The following PCDHA11 variants were observed in gnomAD, a reference collection of about 807,000 sequenced individuals.
PCDHA11 encodes protocadherin alpha-11.
In PCDHA11, 61 loss-of-function variants were observed where a neutral mutation model predicts 70.3. That is an observed-to-expected ratio of 0.87 (90% CI 0.71 to 1.07). The LOEUF (loss-of-function observed/expected upper bound fraction) is 1.07. Among genes scored for constraint, PCDHA11 ranks in the 50% least tolerant of loss-of-function variants. PCDHA11 has a pLI of 0.00. For missense variants in PCDHA11, 1,324 were observed against 1,237.5 expected, an observed-to-expected ratio of 1.07 and a Z score of -1.05; for synonymous variants, 633 against 555.1, an observed-to-expected ratio of 1.14 and a Z score of -1.97.
At chr5:140,876,169 C>G in intron 1 of PCDHA11, 1 of 1,613,916 alleles carries the variant, frequency 6.2e-7, no homozygotes, top group African/African-American at 1.3e-5. Context: ...AATAACCGTC[C>G]TGGATGTGAA....
intron 1 of PCDHA11, among the ~76,000 whole-genome samples, chr5:140,945,853 A>G (rs782332952): frequency 6.6e-6 from 1 of 152,190 alleles, no homozygotes; most frequent in Non-Finnish European, 1.5e-5. Flanking sequence ...AAAGACTTAA[A>G]CATAGACCTG....
chr5:140,869,867 C>T lies in PCDHA11; in HGVS notation c.764C>T (p.Ala255Val), dbSNP rs1554163562. The change falls in exon 1 of 4, where the codon GCT becomes GTT. Residue 255 changes from alanine (A) to valine (V), a missense_variant. Physicochemically the swap from Ala to Val is moderately conservative, Grantham distance 64 (BLOSUM62 0). Transcript: ENST00000398640. ...TATAAGGTGAGCCTTATGGAAAATG[C>T]TGCTAAAGAAACTCTTGTGCTCAAA... ...SEYKVSLMEN[A>V]AKETLVLKLN... 6.2e-7 allele frequency: 1 copy of T among 1,609,988 alleles called. No homozygotes were observed. Among genetic ancestry groups the T allele is most frequent in the East Asian group, 2.2e-5 (1 of 44,802 alleles).
chr5:140,893,636 G>A (rs2064097174), intron 1 of PCDHA11, among the ~76,000 whole-genome samples: 1 of 152,170 alleles, frequency 6.6e-6, no homozygotes, highest in Non-Finnish European at 1.5e-5. Flanking sequence ...GCTTGGTATA[G>A]TATTTTTGGC....
At chr5:140,938,878 C>T (rs1324581693) in intron 1 of PCDHA11, among the ~76,000 whole-genome samples, 3 of 151,098 alleles carry the variant, frequency 2.0e-5, no homozygotes, top group Admixed American at 1.3e-4. Context: ...TAAGAAGCAA[C>T]ACACACACAC....
chr5:140,968,272 A>G (rs369285531), intron 1 of PCDHA11: 1 of 1,613,936 alleles, frequency 6.2e-7, no homozygotes, highest in African/African-American at 1.3e-5. Context: ...AGGAGAATGC[A>G]GAGGTGACCT....
chr5:140,925,917 A>T (rs1480980894), intron 1 of PCDHA11, among the ~76,000 whole-genome samples: 1 of 151,098 alleles, frequency 6.6e-6, no homozygotes, highest in African/African-American at 2.5e-5. Context: ...CCGTTTGCAA[A>T]GCACTCCCAA....
intron 1 of PCDHA11, among the ~76,000 whole-genome samples, chr5:140,916,395 G>A (rs2077556484): frequency 6.6e-6 from 1 of 152,180 alleles, no homozygotes; most frequent in African/African-American, 2.4e-5. Flanking sequence ...GGAATGTGCT[G>A]GATCACACCT....
At position 140,871,036 on chromosome 5, in the gene PCDHA11, C is replaced by A. The variant is rs781977409; in HGVS notation, c.1933C>A (p.Arg645=). Residue 645 remains arginine, a synonymous_variant, in exon 1 of 4, where the codon CGA becomes AGA. Transcript: ENST00000398640. The part of the protein sequence containing the change: ...ALDEADSPRH[R]LLVLVKDHGE... ...GGACGAGGCAGACTCGCCGCGCCAC[C>A]GACTTCTAGTACTGGTGAAGGATCA... 1.2e-6 allele frequency: 2 copies of A among 1,613,156 alleles called. No homozygotes were observed. The highest frequency in any genetic ancestry group is 2.2e-5 in the East Asian group (1 of 44,882).
intron 3 of PCDHA11, among the ~76,000 whole-genome samples, chr5:140,992,722 C>T (rs1455058842): frequency 1.3e-5 from 2 of 152,154 alleles, no homozygotes; most frequent in Non-Finnish European, 2.9e-5. Context: ...ATTCGTAAAT[C>T]CCACCTGCTT....
chr5:140,923,924 T>C (rs968133405), intron 1 of PCDHA11, among the ~76,000 whole-genome samples: 15 of 152,220 alleles, frequency 9.9e-5, no homozygotes. Context: ...TACTGTTCTC[T>C]GTATGCATTT....
chr5:141,005,959 A>G (rs1225421383), intron 3 of PCDHA11, among the ~76,000 whole-genome samples: 1 of 152,048 alleles, frequency 6.6e-6, no homozygotes, highest in African/African-American at 2.4e-5. Context: ...ACAAACAACA[A>G]TAAAAAAACA....
At chr5:140,972,316 G>T (rs2096531069) in intron 1 of PCDHA11, among the ~76,000 whole-genome samples, 2 of 139,864 alleles carry the variant, frequency 1.4e-5, no homozygotes, top group South Asian at 2.3e-4. Flanking sequence ...GTTTTTAGGT[G>T]TTTTTTTTTT....
At chr5:140,959,269 C>A (rs1334380683) in intron 1 of PCDHA11, among the ~76,000 whole-genome samples, 1 of 151,924 alleles carries the variant, frequency 6.6e-6, no homozygotes, top group Non-Finnish European at 1.5e-5. Flanking sequence ...CCCAGCTACC[C>A]AGGAGCCTGA....
Position 140,870,825 on chromosome 5 carries a change from C to A in PCDHA11, c.1722C>A (p.Gly574=), listed in dbSNP as rs1554164734. The part of the protein sequence containing the change: ...LLATQAGSAG[G]AVNKLVPRSV... ...CGACTCAGGCTGGCAGCGCGGGAGG[C>A]GCAGTTAACAAGCTAGTACCGCGGT... The change falls in exon 1 of 4, where the codon GGC becomes GGA. Residue 574 remains glycine, a synonymous_variant. Transcript: ENST00000398640. 6 of 1,613,726 alleles carry A rather than the reference C, an allele frequency of 3.7e-6. No homozygotes were observed. The highest frequency in any genetic ancestry group is 2.2e-5 in the East Asian group (1 of 44,870).
At chr5:140,932,375 G>A (rs192897336) in intron 1 of PCDHA11, among the ~76,000 whole-genome samples, 31 of 151,942 alleles carry the variant, frequency 2.0e-4, no homozygotes, top group Non-Finnish European at 3.0e-5. Context: ...ATTTCCACAT[G>A]AAAGTTATAC....
chr5:140,972,152 A>AT (rs1203762947), intron 1 of PCDHA11, among the ~76,000 whole-genome samples: 3 of 151,770 alleles, frequency 2.0e-5, no homozygotes, highest in East Asian at 3.9e-4. Context: ...TTTTATTTTT[A>AT]TTTTTTTGAG....
intron 1 of PCDHA11, chr5:140,875,559 C>A (rs1554167755): frequency 6.2e-7 from 1 of 1,614,138 alleles, no homozygotes; most frequent in Admixed American, 1.7e-5. Flanking sequence ...TGGGGAGCGG[C>A]CAGCTCCACT....
intron 1 of PCDHA11, among the ~76,000 whole-genome samples, chr5:140,977,050 G>A (rs546385020): frequency 6.6e-6 from 1 of 152,162 alleles, no homozygotes; most frequent in Non-Finnish European, 1.5e-5. Context: ...TGTTGCTGAT[G>A]GACTAGTATA....
chr5:140,935,563 C>T (rs1554210554), intron 1 of PCDHA11, among the ~76,000 whole-genome samples: 1 of 152,176 alleles, frequency 6.6e-6, no homozygotes. Context: ...GGAAAAGTTC[C>T]TCTCTGTGTA....
Sources: allele counts gnomAD v4.1 joint callset (sites outside exome capture counted in the v4.1 genomes callset), GRCh38; gene constraint gnomAD v4.1.1; transcripts MANE v1.5; gene names NCBI Gene and HGNC (gene_info 2026-07-23, HGNC 2026-07-21).